The following MLPH variants were observed in gnomAD, a reference collection of about 807,000 sequenced individuals.
MLPH encodes exophilin-3.
MLPH carries 51 observed loss-of-function variants against 72.1 expected under a neutral mutation model. The ratio of observed to expected loss-of-function variants is 0.71; its 90% CI spans 0.56 to 0.89. The LOEUF (loss-of-function observed/expected upper bound fraction) is 0.89. Ranked by LOEUF, MLPH falls within the 40% of genes least tolerant of loss-of-function variation. The pLI is 0.00. For synonymous variants in MLPH, 301 were observed against 310.1 expected (o/e 0.97, Z 0.31); for missense variants, 743 against 759.9 (o/e 0.98, Z 0.26).
intron 4 of MLPH, among the ~76,000 whole-genome samples, chr2:237,514,626 C>A (rs2106304057): frequency 6.6e-6 from 1 of 152,298 alleles, no homozygotes; most frequent in East Asian, 1.9e-4. Flanking sequence ...GCTGCTGAGG[C>A]CCTCATTTGG....
intron 2 of MLPH, among the ~76,000 whole-genome samples, chr2:237,497,618 C>T (rs1199097473): frequency 6.6e-6 from 1 of 152,230 alleles, no homozygotes; most frequent in African/African-American, 2.4e-5. Flanking sequence ...AGAAAAAAGG[C>T]TCTGGTTCTT....
At chr2:237,519,586 A>C (rs1193589047) in intron 5 of MLPH, among the ~76,000 whole-genome samples, 1 of 152,074 alleles carries the variant, frequency 6.6e-6, no homozygotes, top group Non-Finnish European at 1.5e-5. Context: ...CCAGCCCTGG[A>C]ACAGCTTGCC....
At chr2:237,507,488 CT>C (rs1040369111) in intron 2 of MLPH, 1 of 152,248 alleles carries the variant, frequency 6.6e-6, no homozygotes, top group Non-Finnish European at 1.5e-5. Context: ...TTTTCTACCC[CT>C]GTGTGATTTT....
intron 4 of MLPH, 182 bp downstream of exon 4, chr2:237,511,283 T>TC: frequency 1.8e-6 from 1 of 541,504 alleles, no homozygotes; most frequent in Non-Finnish European, 3.3e-6. Context: ...TTTTTTTTTT[T>TC]TAATTTTTGT....
intron 4 of MLPH, among the ~76,000 whole-genome samples, chr2:237,516,690 T>A (rs74001386): frequency 0.2 from 30,349 of 152,036 alleles, 3,686 homozygotes; most frequent in African/African-American, 0.34. Flanking sequence ...CAGCTCTAAG[T>A]GATGTTTGGA....
chr2:237,524,855 A>T (rs2080267968), intron 6 of MLPH, among the ~76,000 whole-genome samples: 1 of 152,178 alleles, frequency 6.6e-6, no homozygotes. Flanking sequence ...GCTGAGCCAG[A>T]GCTGGGGCGG....
In MLPH at chr2:237,541,898, G is replaced by A. The variant is rs112466788; in HGVS notation, c.1447-669G>A. 1.3e-5 allele frequency among the ~76,000 whole-genome samples: 2 copies of A among 152,248 alleles called. No homozygotes were observed. The highest frequency in any genetic ancestry group is 2.9e-5 in the Non-Finnish European group (2 of 68,034). On this transcript the variant is annotated intron_variant, in intron 11 of 15. Transcript: ENST00000264605. The surrounding 1 kb of genome is among the most constrained non-coding windows in gnomAD (Gnocchi z 5.1). Reference sequence around the variant, plus strand: ...GATAAGGCAGTCAGGAGGGATACTAGGAAAGTAAGCCAGCCTGGCAAATCC... The same window carrying A: ...GATAAGGCAGTCAGGAGGGATACTAAGAAAGTAAGCCAGCCTGGCAAATCC...
intron 2 of MLPH, 65 bp downstream of exon 2, chr2:237,493,601 G>A (rs1220444865): frequency 7.8e-7 from 1 of 1,287,014 alleles, no homozygotes; most frequent in Admixed American, 1.7e-5. Context: ...GCCATCATAT[G>A]GGTGCTGTCT....
chr2:237,510,907 G>GCA lies in MLPH; in HGVS notation c.333-82_333-81insCA. 6.8e-7 allele frequency: 1 copy of GCA among 1,480,996 alleles called. No homozygotes were observed. The highest frequency in any genetic ancestry group is 2.3e-5 in the East Asian group (1 of 44,210). The allele number at this position is 1,480,996 out of a possible 1,614,324, so 91.7% of individuals were successfully genotyped here. A position where few individuals can be genotyped will look rare whatever the true frequency, so the allele number is the denominator to read the frequency against. On this transcript the variant is annotated intron_variant, in intron 3 of 15. Coordinates refer to ENST00000264605, the MANE Select transcript of MLPH (RefSeq NM_024101.7). This position sits in a 1 kb window ranked among gnomAD's most constrained non-coding sequence, Gnocchi z 4.4. ...CGCACACATGCACACACTCGTGTGT[G>GCA]TGTGTGTGTGTGTGTGTGAGATTTA...
At chr2:237,542,682 T>TG (rs1246045217) in intron 12 of MLPH, 23 bp downstream of exon 12, 4 of 1,274,214 alleles carry the variant, frequency 3.1e-6, no homozygotes, top group East Asian at 4.0e-5. Context: ...CAGTGGTGAG[T>TG]GGAGACAGTG....
chr2:237,553,232 G>A (rs2081073521), intron 15 of MLPH: 4 of 498,924 alleles, frequency 8.0e-6, no homozygotes, highest in South Asian at 6.5e-5. Flanking sequence ...CCAATCCGAG[G>A]TACTTTCCAT....
intron 8 of MLPH, 101 bp from the exon 9 acceptor site, chr2:237,534,463 G>A (rs919074760): frequency 8.2e-6 from 8 of 971,614 alleles, no homozygotes; most frequent in Admixed American, 3.4e-5. Flanking sequence ...CTCTCCTTCC[G>A]CTTCTTGGGA....
intron 6 of MLPH, among the ~76,000 whole-genome samples, chr2:237,521,852 A>G (rs1295381056): frequency 2.1e-5 from 3 of 141,900 alleles, no homozygotes; most frequent in Admixed American, 2.1e-4. Context: ...CACCTGCTAC[A>G]ACTATAGTGC....
chr2:237,520,278 C>T (rs1262080656), intron 6 of MLPH, among the ~76,000 whole-genome samples: 3 of 152,102 alleles, frequency 2.0e-5, no homozygotes, highest in South Asian at 4.2e-4. Flanking sequence ...CGATGCAGGG[C>T]CCTGAGACTG....
chr2:237,497,190 C>T (rs1420004181), intron 2 of MLPH, among the ~76,000 whole-genome samples: 1 of 152,104 alleles, frequency 6.6e-6, no homozygotes, highest in Non-Finnish European at 1.5e-5. Flanking sequence ...TGGCAGGAGG[C>T]GGAGCTCAGG....
chr2:237,530,247 C>T (rs565535860), intron 8 of MLPH, among the ~76,000 whole-genome samples: 5 of 152,292 alleles, frequency 3.3e-5, no homozygotes, highest in African/African-American at 7.2e-5. Flanking sequence ...TGGGCTTTTC[C>T]GAGCCCTCAT....
intron 2 of MLPH, among the ~76,000 whole-genome samples, chr2:237,496,166 G>T (rs1476243143): frequency 2.0e-5 from 3 of 152,198 alleles, no homozygotes; most frequent in Non-Finnish European, 4.4e-5. Flanking sequence ...GGCAGCCCTG[G>T]CTATTGTCAG....
At chr2:237,499,384 G>A (rs896471595) in intron 2 of MLPH, among the ~76,000 whole-genome samples, 1 of 152,124 alleles carries the variant, frequency 6.6e-6, no homozygotes, top group African/African-American at 2.4e-5. Flanking sequence ...TAGTCACATT[G>A]CAGGTTTTTG....
chr2:237,491,286 T>A (rs950013329), intron 1 of MLPH, among the ~76,000 whole-genome samples: 5 of 152,216 alleles, frequency 3.3e-5, no homozygotes, highest in African/African-American at 1.2e-4. Context: ...CTAATGTTCC[T>A]GAGAAAATAG....
Sources: gnomAD v4.1 joint callset for allele counts (sites outside exome capture counted in the v4.1 genomes callset) on GRCh38, gnomAD v4.1.1 for gene constraint, Gnocchi (gnomAD v3.1) non-coding constraint, MANE v1.5 for transcripts, NCBI Gene and HGNC (gene_info 2026-07-23, HGNC 2026-07-21) for gene names.